The following CRYBG1 variants were observed in gnomAD, a reference collection of about 807,000 sequenced individuals.
CRYBG1 encodes the protein crystallin beta-gamma domain containing 1.
A neutral mutation model predicts 189.2 loss-of-function variants in CRYBG1; 139 were observed. The ratio of observed to expected loss-of-function variants is 0.73; its 90% CI spans 0.64 to 0.85. The LOEUF (loss-of-function observed/expected upper bound fraction) is 0.85. Among genes scored for constraint, CRYBG1 ranks in the 40% least tolerant of loss-of-function variants. CRYBG1 has a pLI of 0.00. For synonymous variants in CRYBG1, 1,023 were observed against 1,017.1 expected, an observed-to-expected ratio of 1.01 and a Z score of -0.11; for missense variants, 2,611 against 2,675.8, an observed-to-expected ratio of 0.98 and a Z score of 0.53.
Position 106,520,425 on chromosome 6 carries a change from C to T in CRYBG1, c.3217C>T (p.Pro1073Ser). 6.2e-7 allele frequency: 1 copy of T among 1,614,164 alleles called. No individual in the cohort carries two copies. The highest frequency in any genetic ancestry group is 8.5e-7 in the Non-Finnish European group (1 of 1,180,026). ...SGNHLATPQR[P>S]DQTVTNGQDS... Reference sequence around the variant, plus strand: ...AAATCACTTAGCCACTCCTCAAAGGCCAGATCAGACTGTTACAAATGGCCA... The same window carrying T: ...AAATCACTTAGCCACTCCTCAAAGGTCAGATCAGACTGTTACAAATGGCCA... Residue 1073 changes from proline (P) to serine (S), a missense_variant, in exon 4 of 22, where the codon CCA (proline) becomes TCA (serine). Coordinates refer to ENST00000633556, the MANE Select transcript of CRYBG1 (RefSeq NM_001371242.2).
At position 106,549,462 on chromosome 6, in the gene CRYBG1, G is replaced by A. The variant is rs117128755; in HGVS notation, c.5313-2390G>A. 9.2e-5 allele frequency among the ~76,000 whole-genome samples: 14 copies of A among 152,228 alleles called. No homozygotes were observed. The East Asian group carries it at 1.7e-3, about 19-fold the overall frequency. Reference sequence around the variant, plus strand: ...GTGATAAAGGATAGGTTTTTAGGCCGGGAACAGTGCTCACGCCTGTAATCC... The same window carrying A: ...GTGATAAAGGATAGGTTTTTAGGCCAGGAACAGTGCTCACGCCTGTAATCC... On this transcript the variant is annotated intron_variant, in intron 13 of 21. Coordinates refer to ENST00000633556, the MANE Select transcript of CRYBG1 (RefSeq NM_001371242.2).
At chr6:106,457,289 T>C (rs1241723559) in intron 2 of CRYBG1, 1 of 152,172 alleles carries the variant, frequency 6.6e-6, no homozygotes, top group Admixed American at 6.5e-5. Flanking sequence ...ATGTGCTAGC[T>C]CAGGTCTATC....
At chr6:106,510,829 G>A in intron 2 of CRYBG1, among the ~76,000 whole-genome samples, 1 of 152,268 alleles carries the variant, frequency 6.6e-6, no homozygotes, top group Admixed American at 6.5e-5. Flanking sequence ...TCCCATTGGA[G>A]CTCCGGCTAA....
chr6:106,546,657 G>A (rs1453602095), intron 13 of CRYBG1, among the ~76,000 whole-genome samples: 2 of 152,196 alleles, frequency 1.3e-5, no homozygotes, highest in East Asian at 3.8e-4. Context: ...CTACTCTTGG[G>A]TCCTATTCTG....
intron 1 of CRYBG1, among the ~76,000 whole-genome samples, chr6:106,450,460 A>T (rs1771761856): frequency 6.6e-6 from 1 of 152,186 alleles, no homozygotes; most frequent in Admixed American, 6.5e-5. Flanking sequence ...CTTCATTCAA[A>T]GCTGTCATTC....
rs1020009699 is a variant in CRYBG1, at chr6:106,462,386, C to G, written c.312+10554C>G. Among the ~76,000 whole-genome samples, 6 of 152,302 alleles carry G rather than the reference C, an allele frequency of 3.9e-5. No homozygotes were observed. The East Asian group carries it at 1.2e-3, about 29-fold the overall frequency. On this transcript the variant is annotated intron_variant, in intron 2 of 21. Transcript: ENST00000633556. ...AGGGTTTACGCCGTGGTCTCGATCTCCTGACCTCGTGATCCGCCCACCTCA... is the reference window on the plus strand; with the variant it reads ...AGGGTTTACGCCGTGGTCTCGATCTGCTGACCTCGTGATCCGCCCACCTCA...
At chr6:106,525,099 A>C in intron 4 of CRYBG1, 34 bp from the exon 5 acceptor site, 1 of 1,609,988 alleles carries the variant, frequency 6.2e-7, no homozygotes, top group South Asian at 1.1e-5. Context: ...TGAAGTTGTA[A>C]TTATTTGTTG....
At chr6:106,530,510 A>T (rs1773854523) in intron 8 of CRYBG1, among the ~76,000 whole-genome samples, 195 bp downstream of exon 8, 1 of 147,962 alleles carries the variant, frequency 6.8e-6, no homozygotes, top group African/African-American at 2.5e-5. Context: ...TCTTAAAAAC[A>T]GTATCGATTT....
intron 2 of CRYBG1, among the ~76,000 whole-genome samples, chr6:106,486,028 G>A (rs752708492): frequency 2.0e-5 from 3 of 152,018 alleles, no homozygotes; most frequent in Non-Finnish European, 4.4e-5. Flanking sequence ...TGTTCTTCTA[G>A]TTCACTGGGG....
intron 13 of CRYBG1, among the ~76,000 whole-genome samples, chr6:106,548,628 T>C (rs1337655003): frequency 6.6e-6 from 1 of 152,204 alleles, no homozygotes; most frequent in Non-Finnish European, 1.5e-5. Context: ...TCTCTCTACT[T>C]GTTACAGACT....
intron 2 of CRYBG1, among the ~76,000 whole-genome samples, chr6:106,479,159 C>T (rs1296728703): frequency 6.6e-6 from 1 of 152,124 alleles, no homozygotes; most frequent in Non-Finnish European, 1.5e-5. Flanking sequence ...ATGAATAATT[C>T]TGCTACGAAC....
chr6:106,449,570 A>C (rs1771737693), intron 1 of CRYBG1: 1 of 152,248 alleles, frequency 6.6e-6, no homozygotes, highest in Non-Finnish European at 1.5e-5. Context: ...GACAAGGTGA[A>C]CACTAACTTA....
chr6:106,390,242 G>T (rs1251743634), intron 1 of CRYBG1, among the ~76,000 whole-genome samples: 3 of 152,112 alleles, frequency 2.0e-5, no homozygotes, highest in African/African-American at 7.2e-5. Context: ...GTATTGTTTG[G>T]AAATACTACT....
intron 2 of CRYBG1, among the ~76,000 whole-genome samples, chr6:106,471,517 T>C (rs1446726185): frequency 1.3e-5 from 2 of 152,216 alleles, no homozygotes; most frequent in Non-Finnish European, 2.9e-5. Flanking sequence ...CCAGAAGCCT[T>C]TCTGTATCAG....
At position 106,511,545 on chromosome 6, in the gene CRYBG1, G is replaced by A; in HGVS notation, c.428G>A (p.Arg143Lys). The A allele has an allele frequency of 6.5e-7, 1 of 1,535,792 alleles. No individual in the cohort carries two copies. The highest frequency in any genetic ancestry group is 8.7e-7 in the Non-Finnish European group (1 of 1,146,670). The change falls in exon 3 of 22, where the codon AGA (arginine) becomes AAA (lysine). Residue 143 changes from arginine (R) to lysine (K), a missense_variant. Around this residue, in one of 3 missense-constraint regions of CRYBG1, gnomAD observed 985 missense variants for 924.4 expected, o/e 1.07. Transcript: ENST00000633556. ...AGAAACGGGTTAGAGAGTCCCACCA[G>A]ATCAAATGCCAAACCACTCTCTCCC... ...NSRNGLESPTRSNAKPLSPKD... is the reference protein window; with the variant it reads ...NSRNGLESPTKSNAKPLSPKD...
rs750138907 is a variant in CRYBG1 at position 106,527,315 on chromosome 6, T to C, written c.4423T>C (p.Tyr1475His). The change falls in exon 7 of 22, where the codon TAT (tyrosine) becomes CAT (histidine). Residue 1475 changes from tyrosine (Y) to histidine (H), a missense_variant. Transcript: ENST00000633556. ...GTGTTTTATTGTTAGTTGGATTTTG[T>C]ATGAGCAACCAAATTTTGAAGGGCA... ...IKVVRGCWIL[Y>H]EQPNFEGHSI... 6.8e-6 allele frequency: 11 copies of C among 1,611,148 alleles called. No individual in the cohort carries two copies. The South Asian group carries it at 1.1e-4, about 16-fold the overall frequency.
intron 1 of CRYBG1, among the ~76,000 whole-genome samples, chr6:106,368,239 G>A (rs569339341): frequency 5.4e-4 from 82 of 152,054 alleles, no homozygotes; most frequent in Non-Finnish European, 9.6e-4. Flanking sequence ...TCAACATAGC[G>A]AGATCCCATC....
intron 2 of CRYBG1, among the ~76,000 whole-genome samples, chr6:106,494,335 C>T (rs1205959552): frequency 6.6e-6 from 1 of 152,142 alleles, no homozygotes; most frequent in African/African-American, 2.4e-5. Context: ...ATAGTTAACA[C>T]TATAGAACAC....
At chr6:106,514,983 A>C (rs1401720268) in intron 3 of CRYBG1, among the ~76,000 whole-genome samples, 1 of 152,184 alleles carries the variant, frequency 6.6e-6, no homozygotes. Context: ...AGACCCTTTA[A>C]TTCTTCCTAT....
Sources: allele counts gnomAD v4.1 joint callset (sites outside exome capture counted in the v4.1 genomes callset), GRCh38; gene constraint gnomAD v4.1.1; regional missense constraint gnomAD v4.1.1; transcripts MANE v1.5; gene names NCBI Gene and HGNC (gene_info 2026-07-23, HGNC 2026-07-21).